BPTF: variants seen among roughly 807,000 people sequenced by gnomAD.
BPTF encodes the protein nucleosome-remodeling factor subunit BPTF.
In BPTF, 18 loss-of-function variants were observed where a neutral mutation model predicts 292.5. The ratio of observed to expected loss-of-function variants is 0.06; its 90% CI spans 0.04 to 0.09. The LOEUF is 0.09. BPTF is among the 10% of genes least tolerant of loss of function. The pLI, the probability that BPTF is intolerant of heterozygous loss-of-function variation, is 1.00. For synonymous variants in BPTF, 1,225 were observed against 1,251.9 expected (o/e 0.98, Z 0.45); for missense variants, 2,726 against 3,498.7 (o/e 0.78, Z 5.57).
rs1419290277 is a variant in BPTF, at chr17:67,881,474, A to G, written c.1864+6454A>G. On this transcript the variant is annotated intron_variant, in intron 4 of 27. Transcript: ENST00000306378. ...TCTGTTAACCTCTCACTCATTAATA[A>G]TCTTTCCATAATCAAGGTTTTTTTT... is the stretch of plus-strand genomic sequence containing the variant. Among the ~76,000 whole-genome samples the G allele has an allele frequency of 2.0e-5, 3 of 148,912 alleles. No homozygotes were observed. In the East Asian group the frequency reaches 5.9e-4, roughly 29 times the overall value.
intron 19 of BPTF, among the ~76,000 whole-genome samples, chr17:67,942,750 G>A (rs2065478441): frequency 6.6e-6 from 1 of 152,166 alleles, no homozygotes; most frequent in African/African-American, 2.4e-5. Flanking sequence ...AGTTAGCTAA[G>A]TAAATTGTAG....
Position 67,881,849 on chromosome 17 carries a change from T to G in BPTF, c.1864+6829T>G, listed in dbSNP as rs565655680. On this transcript the variant is annotated intron_variant, in intron 4 of 27. Transcript: ENST00000306378. ...CTGTAATATGGAGTTTTGGGGATTTTGGGTTTTTGTTTTTTTTTTTTTTTT... is the reference window on the plus strand; with the variant it reads ...CTGTAATATGGAGTTTTGGGGATTTGGGGTTTTTGTTTTTTTTTTTTTTTT... 3.8e-3 allele frequency among the ~76,000 whole-genome samples: 458 copies of G among 119,740 alleles called. 1 individual carries two copies. In the South Asian group the frequency reaches 0.042, roughly 11 times the overall value. 78.6% of individuals were successfully genotyped at this position (119,740 alleles called of 152,430 possible).
At position 67,911,586 on chromosome 17, in the gene BPTF, A is replaced by G; in HGVS notation, c.3702A>G (p.Lys1234=). ...DDIGTLICKN[K]KPLIQEESDT... The stretch of plus-strand genomic sequence containing the variant: ...TTGGTACTTTGATCTGTAAGAACAA[A>G]AAACCGCTCATACAGGAGGAAAGTG... Residue 1234 remains lysine, a synonymous_variant, in exon 11 of 28, where the codon AAA becomes AAG. Transcript: ENST00000306378. 6.2e-7 allele frequency: 1 copy of G among 1,614,200 alleles called. No individual in the cohort carries two copies. The highest frequency in any genetic ancestry group is 8.5e-7 in the Non-Finnish European group (1 of 1,180,032).
In BPTF at chr17:67,941,093, A is replaced by G. The variant is rs114951587; in HGVS notation, c.6477+437A>G. Among the ~76,000 whole-genome samples, 555 of 152,366 alleles carry G rather than the reference A, an allele frequency of 3.6e-3. 8 individuals are homozygous for G. The highest frequency in any genetic ancestry group is 0.012 in the African/African-American group (514 of 41,588). ...GAAAGTTTATATGGAGGTACAAAGT[A>G]TTAAGAATATCTGTACCTTTGAAGA... On this transcript the variant is annotated intron_variant, in intron 19 of 27. Transcript: ENST00000306378.
chr17:67,919,705 T>C (rs986408774), intron 12 of BPTF, among the ~76,000 whole-genome samples: 3 of 152,246 alleles, frequency 2.0e-5, no homozygotes, highest in Non-Finnish European at 4.4e-5. Flanking sequence ...AAATTTAAAC[T>C]AAGACTTCTG....
In BPTF at chr17:67,912,288, T is replaced by C; in HGVS notation, c.4404T>C (p.Gly1468=). 6.2e-7 allele frequency: 1 copy of C among 1,613,862 alleles called. No individual in the cohort carries two copies. Among genetic ancestry groups the C allele is most frequent in the South Asian group, 1.1e-5 (1 of 91,088 alleles). The change falls in exon 11 of 28, where the codon GGT becomes GGC. Residue 1468 remains glycine, a synonymous_variant. Coordinates refer to ENST00000306378, the MANE Select transcript of BPTF (RefSeq NM_182641.4). The part of the protein sequence containing the change: ...KESAIRPFIN[G]DVIMEDFNER... ...CTGCTATAAGGCCATTCATTAATGG[T>C]GATGTCATCATGGAAGATTTTAATG...
chr17:67,901,889 G>A (rs945657842), intron 7 of BPTF, among the ~76,000 whole-genome samples: 1 of 152,194 alleles, frequency 6.6e-6, no homozygotes, highest in South Asian at 2.1e-4. Context: ...ATATAGGGGG[G>A]TACTCCCCAG....
chr17:67,979,992 A>G (rs1373787818), intron 27 of BPTF, among the ~76,000 whole-genome samples: 1 of 151,786 alleles, frequency 6.6e-6, no homozygotes, highest in African/African-American at 2.4e-5. Flanking sequence ...AGATCGCACC[A>G]CTACACTCTA....
chr17:67,917,767 G>A (rs1207253446), intron 11 of BPTF, among the ~76,000 whole-genome samples: 5 of 151,938 alleles, frequency 3.3e-5, no homozygotes, highest in Non-Finnish European at 2.9e-5. Context: ...CAAGTAGCTC[G>A]GATTACAGGC....
rs1555682827 is a variant in BPTF at position 67,959,666 on chromosome 17, A to ACCTTCACCTCCC, written c.8056_8067dup (p.Ser2686_Pro2689dup). On this transcript the variant is annotated inframe_insertion, in exon 24 of 28. Coordinates refer to ENST00000306378, the MANE Select transcript of BPTF (RefSeq NM_182641.4). ...CTCCTCCAGCCCCTCCAGCCCCTCC[A>ACCTTCACCTCCC]CCTTCACCTCCCCCTCCACCTGCTG... 3.3e-6 allele frequency: 5 copies of ACCTTCACCTCCC among 1,534,458 alleles called. No homozygotes were observed. The South Asian group carries it at 5.9e-5, about 18-fold the overall frequency.
chr17:67,853,083 C>T (rs1453617652), intron 1 of BPTF, among the ~76,000 whole-genome samples: 1 of 151,994 alleles, frequency 6.6e-6, no homozygotes, highest in African/African-American at 2.4e-5. Flanking sequence ...TCGCAGTGAG[C>T]CGAGGTCACG....
In BPTF at chr17:67,826,226, G is replaced by A; in HGVS notation, c.502G>A (p.Glu168Lys). The change falls in exon 1 of 28, where the codon GAG becomes AAG. Residue 168 changes from glutamate (E) to lysine (K), a missense_variant. Physicochemically the swap from Glu to Lys is moderately conservative, Grantham distance 56. Transcript: ENST00000306378. Reference protein sequence around the residue: ...SEDDEEDEMEEDDDDSDYPEE... With the variant: ...SEDDEEDEMEKDDDDSDYPEE... ...GGACGACGAGGAGGATGAGATGGAA[G>A]AGGACGACGATGACTCCGATTATCC... is the stretch of plus-strand genomic sequence containing the variant. 6.2e-7 allele frequency: 1 copy of A among 1,613,888 alleles called. No individual in the cohort carries two copies. Among genetic ancestry groups the A allele is most frequent in the Non-Finnish European group, 8.5e-7 (1 of 1,179,872 alleles).
chr17:67,861,200 A>G (rs1317213092), intron 2 of BPTF, among the ~76,000 whole-genome samples: 1 of 152,204 alleles, frequency 6.6e-6, no homozygotes, highest in Non-Finnish European at 1.5e-5. Context: ...ATTGTTTGCT[A>G]TGCCTTTAAA....
chr17:67,917,131 C>CCTTTTTTTT (rs2063065953), intron 11 of BPTF, among the ~76,000 whole-genome samples: 3 of 105,788 alleles, frequency 2.8e-5, no homozygotes, highest in African/African-American at 1.1e-4. Flanking sequence ...TGGTATTGTC[C>CCTTTTTTTT]TTTTTTTTTT....
rs1305353508 is a variant in BPTF, at chr17:67,911,425, A to C, written c.3541A>C (p.Lys1181Gln). 10 of 1,614,192 alleles carry C rather than the reference A, an allele frequency of 6.2e-6. No homozygotes were observed. In the South Asian group the frequency reaches 9.9e-5, roughly 16 times the overall value. Reference protein sequence around the residue: ...SIRSPETKCPKQNSIENDIEE... With the variant: ...SIRSPETKCPQQNSIENDIEE... ...TCGGAGCCCAGAAACAAAATGTCCG[A>C]AACAAAATTCCATTGAAAATGACAT... Residue 1181 changes from lysine (K) to glutamine (Q), a missense_variant, in exon 11 of 28, where the codon AAA (lysine) becomes CAA (glutamine). Around this residue, in one of 22 missense-constraint regions of BPTF, gnomAD observed 713 missense variants for 714.9 expected, o/e 1.00. Transcript: ENST00000306378.
At chr17:67,895,332 CAAAAA>C (rs35234780) in intron 7 of BPTF, among the ~76,000 whole-genome samples, 13 of 56,652 alleles carry the variant, frequency 2.3e-4, no homozygotes, top group South Asian at 1.5e-3. Context: ...GACTTCATCT[CAAAAA>C]AAAAAAAAAA....
intron 18 of BPTF, 147 bp downstream of exon 18, chr17:67,932,166 A>G (rs1211794722): frequency 4.6e-6 from 3 of 652,056 alleles, no homozygotes; most frequent in East Asian, 6.0e-5. Context: ...TGTGAGCTCT[A>G]TTCATTGATA....
At chr17:67,898,205 A>G (rs145014617) in intron 7 of BPTF, among the ~76,000 whole-genome samples, 49 of 152,296 alleles carry the variant, frequency 3.2e-4, no homozygotes, top group African/African-American at 1.0e-3. Context: ...CCCCATCTCT[A>G]CTAAAAATTA....
At chr17:67,939,208 C>T (rs1284474947) in intron 18 of BPTF, among the ~76,000 whole-genome samples, 1 of 151,960 alleles carries the variant, frequency 6.6e-6, no homozygotes, top group Non-Finnish European at 1.5e-5. Flanking sequence ...TTAACAACAA[C>T]AACAAAAAGG....
Sources: gnomAD v4.1 joint callset for allele counts (sites outside exome capture counted in the v4.1 genomes callset) on GRCh38, gnomAD v4.1.1 for gene constraint, gnomAD v4.1.1 regional missense constraint, MANE v1.5 for transcripts, NCBI Gene and HGNC (gene_info 2026-07-23, HGNC 2026-07-21) for gene names.